DIP2A: variants seen among roughly 807,000 people sequenced by gnomAD.
DIP2A encodes the protein disco-interacting protein 2 homolog A.
Under a neutral mutation model 177.4 loss-of-function variants are expected in DIP2A, and 85 were observed. The ratio of observed to expected loss-of-function variants is 0.48; its 90% CI spans 0.40 to 0.57. DIP2A has a LOEUF of 0.57. DIP2A is among the 20% of genes least tolerant of loss of function. The probability of loss-of-function intolerance (pLI) is 0.00; values close to 1 mark genes in which losing one functional copy is unlikely to be tolerated. For missense variants in DIP2A, 1,791 were observed against 2,100.2 expected (o/e 0.85, Z 2.88); for synonymous variants, 886 against 881.8 (o/e 1.00, Z -0.08).
At chr21:46,570,880 T>G (rs1337930394), downstream of DIP2A, among the ~76,000 whole-genome samples, 1 of 152,088 alleles carries the variant, frequency 6.6e-6, no homozygotes, top group African/African-American at 2.4e-5. Context: ...CTCAACAAAT[T>G]CCAAGTAAGA....
At position 46,556,608 on chromosome 21, in the gene DIP2A, G is replaced by A. The variant is rs556471792; in HGVS notation, c.3499-331G>A. 20 of 369,450 alleles carry A rather than the reference G, an allele frequency of 5.4e-5. No individual in the cohort carries two copies. Among genetic ancestry groups the A allele is most frequent in the South Asian group, 3.9e-4 (18 of 45,876 alleles). 22.9% of individuals were successfully genotyped at this position (369,450 alleles called of 1,614,324 possible). ...TGAGGCAGGAGAATTGCTTGAACCC[G>A]GGAGGCAGAGGTTGCAGTGAGCCGA... On this transcript the variant is annotated intron_variant, in intron 29 of 37. Transcript: ENST00000417564. The surrounding 1 kb of genome is among the most constrained non-coding windows in gnomAD (Gnocchi z 4.5).
intron 19 of DIP2A, 126 bp downstream of exon 19, chr21:46,545,399 C>A: frequency 2.5e-6 from 3 of 1,191,380 alleles, no homozygotes; most frequent in Non-Finnish European, 3.5e-6. Context: ...ACAGGCGCTG[C>A]TGGGGCTGTT....
At chr21:46,487,563 A>G (rs774105813) in intron 2 of DIP2A, among the ~76,000 whole-genome samples, 1 of 152,232 alleles carries the variant, frequency 6.6e-6, no homozygotes, top group Non-Finnish European at 1.5e-5. Context: ...ATCTTTAAAT[A>G]TAGGTGATAT....
chr21:46,519,963 C>A (rs1164505670), intron 8 of DIP2A, among the ~76,000 whole-genome samples: 1 of 144,082 alleles, frequency 6.9e-6, no homozygotes, highest in Non-Finnish European at 1.5e-5. Flanking sequence ...CAAGCTCCGC[C>A]TCCAGGGTTC....
intron 25 of DIP2A, chr21:46,552,875 C>G (rs1327695690): frequency 2.6e-5 from 4 of 152,184 alleles, no homozygotes; most frequent in Non-Finnish European, 1.5e-5. Flanking sequence ...TATCATTGAC[C>G]AAGGTAAAAT....
chr21:46,459,483 C>T (rs980938923), intron 1 of DIP2A, among the ~76,000 whole-genome samples: 1 of 147,562 alleles, frequency 6.8e-6, no homozygotes, highest in Admixed American at 6.7e-5. Context: ...CCAGCACGAC[C>T]CCTCGCCCCG....
At chr21:46,479,666 A>G (rs555545301) in intron 1 of DIP2A, among the ~76,000 whole-genome samples, 4 of 152,270 alleles carry the variant, frequency 2.6e-5, no homozygotes, top group African/African-American at 7.2e-5. Context: ...GCTTAGGACT[A>G]TAGGCATGTG....
intron 4 of DIP2A, 84 bp downstream of exon 4, chr21:46,497,191 G>T: frequency 6.7e-7 from 1 of 1,499,870 alleles, no homozygotes. Flanking sequence ...CATTGAGTTG[G>T]AATATCCGTC....
chr21:46,537,061 A>G lies in DIP2A; in HGVS notation c.1643-163A>G, dbSNP rs1235846525. Among the ~76,000 whole-genome samples, 2 of 152,276 alleles carry G rather than the reference A, an allele frequency of 1.3e-5. No homozygotes were observed. The highest frequency in any genetic ancestry group is 1.3e-4 in the Admixed American group (2 of 15,296). On this transcript the variant is annotated intron_variant, in intron 13 of 37. Coordinates refer to ENST00000417564, the MANE Select transcript of DIP2A (RefSeq NM_015151.4). The surrounding 1 kb of genome is among the most constrained non-coding windows in gnomAD (Gnocchi z 4.1). ...TATGTGTTTCCAGTAATTTGAATAG[A>G]TAACCAGGATTATTATTAATTGGTA...
At chr21:46,527,998 T>C (rs1462979301) in intron 8 of DIP2A, among the ~76,000 whole-genome samples, 1 of 152,148 alleles carries the variant, frequency 6.6e-6, no homozygotes, top group African/African-American at 2.4e-5. Context: ...TATTGAGTGC[T>C]TATGAGCATA....
Position 46,565,807 on chromosome 21 carries a change from T to G in DIP2A, c.4259T>G (p.Phe1420Cys). Reference protein sequence around the residue: ...HADHFSARLSFGDTQTIWART... With the variant: ...HADHFSARLSCGDTQTIWART... ...GACCACTTCAGTGCCCGGCTGAGTT[T>G]TGGAGACACACAGACCATCTGGGCA... The change falls in exon 36 of 38, where the codon TTT becomes TGT. Residue 1420 changes from phenylalanine (F) to cysteine (C), a missense_variant. Phe to Cys is a radical substitution (Grantham distance 205). Transcript: ENST00000417564. 6.2e-7 allele frequency: 1 copy of G among 1,614,022 alleles called. No homozygotes were observed. Among genetic ancestry groups the G allele is most frequent in the Non-Finnish European group, 8.5e-7 (1 of 1,179,896 alleles).
intron 28 of DIP2A, 95 bp downstream of exon 28, chr21:46,555,028 C>A: frequency 3.1e-6 from 4 of 1,281,486 alleles, no homozygotes; most frequent in South Asian, 2.7e-5. Context: ...ACACGTGAGG[C>A]AAGAGCAGTC....
At chr21:46,514,507 A>G (rs1160631526) in intron 8 of DIP2A, among the ~76,000 whole-genome samples, 1 of 151,728 alleles carries the variant, frequency 6.6e-6, no homozygotes, top group Admixed American at 6.6e-5. Context: ...TTGTTTACTC[A>G]TAATTAGAAG....
chr21:46,498,901 C>A lies in DIP2A; in HGVS notation c.655+68C>A. The stretch of plus-strand genomic sequence containing the variant: ...GTCAGGAGTGTCCAGGACAGAGGAG[C>A]AGATGGAGGGCACCTGAGCCAGGCG... On this transcript the variant is annotated intron_variant, in intron 5 of 37. Coordinates refer to ENST00000417564, the MANE Select transcript of DIP2A (RefSeq NM_015151.4). The surrounding 1 kb of genome is among the most constrained non-coding windows in gnomAD (Gnocchi z 4.3). The A allele has an allele frequency of 1.3e-6, 2 of 1,489,192 alleles. No individual in the cohort carries two copies. Among genetic ancestry groups the A allele is most frequent in the African/African-American group, 2.8e-5 (2 of 72,058 alleles). The allele number at this position is 1,489,192 out of a possible 1,614,324, so 92.2% of individuals were successfully genotyped here.
At chr21:46,574,418 TAAG>T (rs1458271451), downstream of DIP2A, among the ~76,000 whole-genome samples, 1 of 151,866 alleles carries the variant, frequency 6.6e-6, no homozygotes, top group East Asian at 1.9e-4. Flanking sequence ...CATTACAACT[TAAG>T]AAACTAAAAA....
In DIP2A at chr21:46,546,930, AT is replaced by A; in HGVS notation, c.2411del (p.Ile804ThrfsTer8). 1 of 1,613,854 alleles carries A rather than the reference AT, an allele frequency of 6.2e-7. No individual in the cohort carries two copies. The highest frequency in any genetic ancestry group is 8.5e-7 in the Non-Finnish European group (1 of 1,179,794). ...GFIGPDNLVF[I>X]VGKLDGLMVT... ...TTTCCCTCAGGACAACCTGGTCTTCATCGTGGGCAAACTGGACGGGCTGATG... is the reference window on the plus strand; with the variant it reads ...TTTCCCTCAGGACAACCTGGTCTTCACGTGGGCAAACTGGACGGGCTGATG... On this transcript the variant is annotated frameshift_variant, in exon 21 of 38. Coordinates refer to ENST00000417564, the MANE Select transcript of DIP2A (RefSeq NM_015151.4). LOFTEE classifies it high-confidence loss of function.
chr21:46,533,523 G>T lies in DIP2A; in HGVS notation c.1306-1G>T. 1.2e-6 allele frequency: 2 copies of T among 1,613,034 alleles called. No homozygotes were observed. Among genetic ancestry groups the T allele is most frequent in the Non-Finnish European group, 1.7e-6 (2 of 1,179,474 alleles). ...CCACACGGTCACTCTGCTTTCTGCA[G>T]GATGCAGGCAGCCAGCAGGTTGGGT... On this transcript the variant is annotated splice_acceptor_variant, in intron 10 of 37. Coordinates refer to ENST00000417564, the MANE Select transcript of DIP2A (RefSeq NM_015151.4). LOFTEE classifies it high-confidence loss of function.
chr21:46,501,517 T>C (rs1412778996), intron 5 of DIP2A, among the ~76,000 whole-genome samples: 2 of 152,204 alleles, frequency 1.3e-5, no homozygotes, highest in African/African-American at 2.4e-5. Context: ...ACTCCTGGGC[T>C]TAAGAAATTC....
At chr21:46,511,705 TC>T (rs1601597304) in intron 8 of DIP2A, 91 bp downstream of exon 8, 4 of 1,304,182 alleles carry the variant, frequency 3.1e-6, no homozygotes, top group Non-Finnish European at 4.1e-6. Context: ...TGATAAATAT[TC>T]CTGAGAAACC....
Sources: gnomAD v4.1 joint callset for allele counts (sites outside exome capture counted in the v4.1 genomes callset) on GRCh38, gnomAD v4.1.1 for gene constraint, Gnocchi (gnomAD v3.1) non-coding constraint, MANE v1.5 for transcripts, NCBI Gene and HGNC (gene_info 2026-07-23, HGNC 2026-07-21) for gene names.